The following TSLP variants were observed in gnomAD, a reference collection of about 807,000 sequenced individuals.
TSLP encodes thymic stromal lymphopoietin.
Under a neutral mutation model 12.4 loss-of-function variants are expected in TSLP, and 12 were observed. The ratio of observed to expected loss-of-function variants is 0.97; its 90% CI spans 0.62 to 1.57. The LOEUF (loss-of-function observed/expected upper bound fraction) is 1.57, where lower values mean the gene tolerates loss of function less well. Ranked by LOEUF, TSLP falls within the 40% of genes most tolerant of loss-of-function variation. The pLI is 0.00. For synonymous variants in TSLP, 97 were observed against 69.5 expected (o/e 1.40, Z -1.97); for missense variants, 222 against 189.6 (o/e 1.17, Z -1.00).
Position 111,073,608 on chromosome 5 carries a change from C to A in TSLP, c.314C>A (p.Ala105Asp). The stretch of plus-strand genomic sequence containing the variant: ...ATGTTCGCCATGAAAACTAAGGCTG[C>A]CTTAGCTATCTGGTGCCCAGGCTAT... ...KEMFAMKTKAALAIWCPGYSE... is the reference protein window; with the variant it reads ...KEMFAMKTKADLAIWCPGYSE... The change falls in exon 3 of 4, where the codon GCC becomes GAC. Residue 105 changes from alanine to aspartate, a missense_variant. Coordinates refer to ENST00000344895, the MANE Select transcript of TSLP (RefSeq NM_033035.5). 1 of 1,614,228 alleles carries A rather than the reference C, an allele frequency of 6.2e-7. No individual in the cohort carries two copies. Among genetic ancestry groups the A allele is most frequent in the Non-Finnish European group, 8.5e-7 (1 of 1,180,040 alleles).
At chr5:111,074,626 A>AAT in intron 3 of TSLP, among the ~76,000 whole-genome samples, 1 of 114,084 alleles carries the variant, frequency 8.8e-6, no homozygotes, top group East Asian at 2.5e-4. Context: ...CACGACTGTC[A>AAT]CTTTTTTTTT....
upstream of TSLP, chr5:111,071,546 A>T (rs1316487706): frequency 2.6e-6 from 4 of 1,539,728 alleles, no homozygotes; most frequent in South Asian, 1.2e-5. Context: ...GACTTTACTG[A>T]TGTTAAAATT....
intron 1 of TSLP, 111 bp from the exon 2 acceptor site, chr5:111,072,777 G>A: frequency 4.6e-6 from 5 of 1,080,782 alleles, no homozygotes; most frequent in Middle Eastern, 2.0e-4. Context: ...GTACCTGAGT[G>A]GAAACTGTTT....
At position 111,071,759 on chromosome 5, in the gene TSLP, T is replaced by C; in HGVS notation, c.-132T>C. On this transcript the variant is annotated 5_prime_UTR_variant, in exon 1 of 4. Transcript: ENST00000344895. ...GGCAACAGCATGGGTGAATAAGGGCTTCCTGTGGACTGGCAATGAGAGGCA... is the reference window on the plus strand; with the variant it reads ...GGCAACAGCATGGGTGAATAAGGGCCTCCTGTGGACTGGCAATGAGAGGCA... 2 of 1,282,638 alleles carry C rather than the reference T, an allele frequency of 1.6e-6. No homozygotes were observed. Among genetic ancestry groups the C allele is most frequent in the Non-Finnish European group, 1.1e-6 (1 of 921,922 alleles). The allele number at this position is 1,282,638 out of a possible 1,614,324, so 79.5% of individuals were successfully genotyped here. A position where few individuals can be genotyped will look rare whatever the true frequency, so the allele number is the denominator to read the frequency against.
chr5:111,073,675 A>G (rs1752409636), intron 3 of TSLP, 30 bp downstream of exon 3: 2 of 1,603,970 alleles, frequency 1.2e-6, no homozygotes, highest in Non-Finnish European at 1.7e-6. Flanking sequence ...CGTTTGCTGT[A>G]CCTTGGGGCT....
intron 3 of TSLP, 114 bp from the exon 4 acceptor site, chr5:111,075,832 C>A (rs1752488507): frequency 9.1e-7 from 1 of 1,102,202 alleles, no homozygotes. Flanking sequence ...TAAGCAGGTG[C>A]TTTGGAGACA....
rs1752559503 is a variant in TSLP, at chr5:111,077,966, T to C, written c.*1892T>C. On this transcript the variant is annotated 3_prime_UTR_variant, in exon 4 of 4. Transcript: ENST00000344895. ...TTGAGGCTTTCTTGGTGGACTAGTA[T>C]AGTATACGGTCAGTTATGTCAATGT... The C allele has an allele frequency of 6.6e-6, 1 of 152,606 alleles. No individual in the cohort carries two copies. The highest frequency in any genetic ancestry group is 2.4e-5 in the African/African-American group (1 of 41,444). 9.5% of individuals were successfully genotyped at this position (152,606 alleles called of 1,614,324 possible).
chr5:111,075,510 G>C (rs921764469), intron 3 of TSLP, among the ~76,000 whole-genome samples: 4 of 152,194 alleles, frequency 2.6e-5, no homozygotes, highest in African/African-American at 9.7e-5. Flanking sequence ...TTGTGATCTT[G>C]TCAGGGAGGT....
In TSLP at chr5:111,077,893, C is replaced by T. The variant is rs1219571223; in HGVS notation, c.*1819C>T. 6.6e-6 allele frequency: 1 copy of T among 152,112 alleles called. No homozygotes were observed. Among genetic ancestry groups the T allele is most frequent in the African/African-American group, 2.4e-5 (1 of 41,282 alleles). The allele number at this position is 152,112 out of a possible 1,614,324, so 9.4% of individuals were successfully genotyped here. On this transcript the variant is annotated 3_prime_UTR_variant, in exon 4 of 4. Transcript: ENST00000344895. ...CATACTAATTTAGTAAGAACGTTCC[C>T]AAATGTTGTAACAATGTGGATCATA...
At chr5:111,071,403 C>A (rs560975805), upstream of TSLP, 3 of 1,488,864 alleles carry the variant, frequency 2.0e-6, no homozygotes, top group East Asian at 7.5e-5. Context: ...AGGTGTTTCT[C>A]CCAAATAGAA....
rs1752343115 is a variant in TSLP, at chr5:111,071,810, C to A, written c.-81C>A. On this transcript the variant is annotated 5_prime_UTR_variant, in exon 1 of 4. Transcript: ENST00000344895. Reference sequence around the variant, plus strand: ...AAACCTGGTGCTTGAGCACTGGCCCCTAAGGCAGGCCTTACAGATCTCTTA... The same window carrying A: ...AAACCTGGTGCTTGAGCACTGGCCCATAAGGCAGGCCTTACAGATCTCTTA... The A allele has an allele frequency of 1.3e-6, 2 of 1,525,284 alleles. No homozygotes were observed. Among genetic ancestry groups the A allele is most frequent in the Non-Finnish European group, 1.8e-6 (2 of 1,120,032 alleles). The allele number at this position is 1,525,284 out of a possible 1,614,324, so 94.5% of individuals were successfully genotyped here.
rs1308342976 is a variant in TSLP, at chr5:111,071,877, T to G, written c.-14T>G. Reference sequence around the variant, plus strand: ...AGTTTAGTGTGAAACTGGGGTGGAATTGGGTGTCCACGTATGTTCCCTTTT... The same window carrying G: ...AGTTTAGTGTGAAACTGGGGTGGAAGTGGGTGTCCACGTATGTTCCCTTTT... On this transcript the variant is annotated 5_prime_UTR_variant, in exon 1 of 4. Coordinates refer to ENST00000344895, the MANE Select transcript of TSLP (RefSeq NM_033035.5). 2 of 1,611,074 alleles carry G rather than the reference T, an allele frequency of 1.2e-6. No homozygotes were observed. Among genetic ancestry groups the G allele is most frequent in the Non-Finnish European group, 1.7e-6 (2 of 1,177,554 alleles).
Position 111,072,044 on chromosome 5 carries a change from A to T in TSLP, c.154A>T (p.Ile52Phe). 1 of 1,613,562 alleles carries T rather than the reference A, an allele frequency of 6.2e-7. No homozygotes were observed. The highest frequency in any genetic ancestry group is 8.5e-7 in the Non-Finnish European group (1 of 1,179,776). Residue 52 changes from isoleucine to phenylalanine, a missense_variant, in exon 1 of 4, where the codon ATT becomes TTT. Coordinates refer to ENST00000344895, the MANE Select transcript of TSLP (RefSeq NM_033035.5). ...TCTCAGTACTATTTCTAAAGACCTG[A>T]TTACATATATGAGTGGGGTAAGTGA... ...AYLSTISKDLITYMSGTKSTE... is the reference protein window; with the variant it reads ...AYLSTISKDLFTYMSGTKSTE...
At chr5:111,073,719 G>A in intron 3 of TSLP, 74 bp downstream of exon 3, 3 of 1,482,090 alleles carry the variant, frequency 2.0e-6, no homozygotes, top group Non-Finnish European at 2.8e-6. Context: ...TGGTGCAGAA[G>A]TCGTTCTCTT....
In TSLP at chr5:111,076,060, C is replaced by A. The variant is rs1487272661; in HGVS notation, c.466C>A (p.Leu156Met). The A allele has an allele frequency of 6.2e-7, 1 of 1,613,974 alleles. No homozygotes were observed. The highest frequency in any genetic ancestry group is 8.5e-7 in the Non-Finnish European group (1 of 1,179,968). ...GLWRRFNRPL[L>M]KQQ ...GTGGCGTCGCTTCAATCGACCTTTA[C>A]TGAAACAACAGTAAACCATCTTTAT... The change falls in exon 4 of 4, where the codon CTG becomes ATG. Residue 156 changes from leucine (L) to methionine (M), a missense_variant. Physicochemically the swap from Leu to Met is conservative, Grantham distance 15. Transcript: ENST00000344895.
In TSLP at chr5:111,072,805, C is replaced by T; in HGVS notation, c.172-83C>T. 3 of 1,435,944 alleles carry T rather than the reference C, an allele frequency of 2.1e-6. No homozygotes were observed. In the Admixed American group the frequency reaches 5.0e-5, roughly 24 times the overall value. The allele number at this position is 1,435,944 out of a possible 1,614,324, so 89.0% of individuals were successfully genotyped here. Reference sequence around the variant, plus strand: ...AACTGTTTTCAGGGCACCTTTAAAGCCTGGGAGCAAAGGGTGGAGGGATGA... The same window carrying T: ...AACTGTTTTCAGGGCACCTTTAAAGTCTGGGAGCAAAGGGTGGAGGGATGA... On this transcript the variant is annotated intron_variant, in intron 1 of 3. Transcript: ENST00000344895.
chr5:111,074,104 A>C (rs1752424542), intron 3 of TSLP, among the ~76,000 whole-genome samples: 1 of 152,200 alleles, frequency 6.6e-6, no homozygotes, highest in South Asian at 2.1e-4. Context: ...TATTTGCTAA[A>C]TGTATAATTA....
At chr5:111,073,292 T>C in intron 2 of TSLP, 2 of 1,420,780 alleles carry the variant, frequency 1.4e-6, no homozygotes, top group Non-Finnish European at 1.8e-6. Context: ...TGACAGTCTT[T>C]TCGCGACGAG....
In TSLP at chr5:111,071,791, G is replaced by A; in HGVS notation, c.-100G>A. ...GGACTGGCAATGAGAGGCAAAACCTGGTGCTTGAGCACTGGCCCCTAAGGC... is the reference window on the plus strand; with the variant it reads ...GGACTGGCAATGAGAGGCAAAACCTAGTGCTTGAGCACTGGCCCCTAAGGC... On this transcript the variant is annotated 5_prime_UTR_variant, in exon 1 of 4. The change creates a premature stop within an existing upstream ORF in the 5' untranslated region. Coordinates refer to ENST00000344895, the MANE Select transcript of TSLP (RefSeq NM_033035.5). The A allele has an allele frequency of 6.9e-7, 1 of 1,442,294 alleles. No individual in the cohort carries two copies. The highest frequency in any genetic ancestry group is 1.3e-5 in the South Asian group (1 of 75,080). 89.3% of individuals were successfully genotyped at this position (1,442,294 alleles called of 1,614,324 possible). A position where few individuals can be genotyped will look rare whatever the true frequency, so the allele number is the denominator to read the frequency against.
Sources: gnomAD v4.1 joint callset for allele counts (sites outside exome capture counted in the v4.1 genomes callset) on GRCh38, gnomAD v4.1.1 for gene constraint, MANE v1.5 for transcripts, NCBI Gene and HGNC (gene_info 2026-07-23, HGNC 2026-07-21) for gene names.